Variants in SNX29 observed in about 807,000 individuals in gnomAD.
The protein encoded by SNX29 is sorting nexin-29.
Under a neutral mutation model 102.1 loss-of-function variants are expected in SNX29, and 78 were observed. The ratio of observed to expected loss-of-function variants is 0.76; its 90% CI spans 0.64 to 0.92. SNX29 has a LOEUF of 0.92. Ranked by LOEUF, SNX29 falls within the 40% of genes least tolerant of loss-of-function variation. SNX29 has a pLI of 0.00. For synonymous variants in SNX29, 580 were observed against 414.5 expected (o/e 1.40, Z -4.85); for missense variants, 1,280 against 1,061.7 (o/e 1.21, Z -2.86).
At chr16:12,243,937 T>G (rs139739729) in intron 14 of SNX29, among the ~76,000 whole-genome samples, 1 of 152,250 alleles carries the variant, frequency 6.6e-6, no homozygotes, top group Non-Finnish European at 1.5e-5. Context: ...TTTGTGGCTC[T>G]GGTAGAGGTT....
chr16:12,178,164 T>C (rs948827134), intron 13 of SNX29, among the ~76,000 whole-genome samples: 1 of 152,144 alleles, frequency 6.6e-6, no homozygotes, highest in African/African-American at 2.4e-5. Context: ...TGCTGCAGGC[T>C]CAAGGGGACA....
chr16:12,164,977 C>G (rs1049633716), intron 13 of SNX29, among the ~76,000 whole-genome samples: 2 of 152,082 alleles, frequency 1.3e-5, no homozygotes, highest in Non-Finnish European at 2.9e-5. Context: ...TGTGAGCCAC[C>G]GCACCCGGCC....
intron 8 of SNX29, among the ~76,000 whole-genome samples, chr16:12,060,637 T>G (rs1468672490): frequency 3.3e-5 from 5 of 152,116 alleles, no homozygotes; most frequent in Non-Finnish European, 5.9e-5. Context: ...CATCCTCAGA[T>G]TTGCAGGGGT....
intron 19 of SNX29, among the ~76,000 whole-genome samples, chr16:12,517,315 C>T (rs1168842079): frequency 6.6e-6 from 1 of 152,210 alleles, no homozygotes; most frequent in African/African-American, 2.4e-5. Context: ...CTGGACATTC[C>T]TCAGGGGGTC....
intron 18 of SNX29, among the ~76,000 whole-genome samples, chr16:12,445,272 C>T (rs891882921): frequency 5.9e-5 from 9 of 152,156 alleles, no homozygotes; most frequent in African/African-American, 1.7e-4. Context: ...GGACAGAGCC[C>T]GTATTATCCA....
intron 19 of SNX29, among the ~76,000 whole-genome samples, chr16:12,495,337 A>G (rs767731204): frequency 6.6e-6 from 1 of 151,946 alleles, no homozygotes; most frequent in Non-Finnish European, 1.5e-5. Context: ...TTTTTAGTAG[A>G]GACAGGGTTT....
At chr16:12,548,487 T>C (rs989542666) in intron 20 of SNX29, among the ~76,000 whole-genome samples, 2 of 152,222 alleles carry the variant, frequency 1.3e-5, no homozygotes, top group Non-Finnish European at 2.9e-5. Flanking sequence ...TCAGGATGAC[T>C]AGTCAGGGTT....
intron 11 of SNX29, among the ~76,000 whole-genome samples, chr16:12,088,868 T>C (rs1440717871): frequency 2.0e-5 from 3 of 152,024 alleles, no homozygotes; most frequent in African/African-American, 7.2e-5. Context: ...GGCGGATTAC[T>C]CTTGAGGTCA....
chr16:12,523,527 C>T (rs908433578), intron 19 of SNX29, among the ~76,000 whole-genome samples: 2 of 152,330 alleles, frequency 1.3e-5, no homozygotes, highest in Non-Finnish European at 2.9e-5. Flanking sequence ...CACAGATACA[C>T]GGAGCAGGAT....
chr16:12,304,174 G>GT (rs760514032), intron 15 of SNX29, among the ~76,000 whole-genome samples: 3,639 of 146,962 alleles, frequency 0.025, 72 homozygotes, highest in Admixed American at 0.05. Flanking sequence ...TCCTATCACT[G>GT]TTTTTTGTTT....
chr16:11,979,601 A>G (rs1429504206), intron 1 of SNX29, among the ~76,000 whole-genome samples: 3 of 152,032 alleles, frequency 2.0e-5, no homozygotes, highest in African/African-American at 7.2e-5. Context: ...TTTATGTTTT[A>G]GAGATGGAGT....
chr16:12,426,813 A>C (rs1017552320), intron 18 of SNX29, among the ~76,000 whole-genome samples: 7 of 152,238 alleles, frequency 4.6e-5, no homozygotes, highest in Non-Finnish European at 4.4e-5. Context: ...TTACAGGTGC[A>C]TGCTACCATG....
chr16:12,328,110 C>G (rs75380033), intron 15 of SNX29, among the ~76,000 whole-genome samples: 1,619 of 152,260 alleles, frequency 0.011, 21 homozygotes, highest in African/African-American at 0.037. Flanking sequence ...CTGCACATAC[C>G]TCTCCCTTGT....
At chr16:12,142,222 T>A (rs2054892195) in intron 13 of SNX29, among the ~76,000 whole-genome samples, 1 of 152,252 alleles carries the variant, frequency 6.6e-6, no homozygotes, top group Non-Finnish European at 1.5e-5. Context: ...GCTGCATATG[T>A]GACCCACTCT....
At chr16:11,984,903 C>G (rs2055552602) in intron 1 of SNX29, among the ~76,000 whole-genome samples, 1 of 152,206 alleles carries the variant, frequency 6.6e-6, no homozygotes, top group African/African-American at 2.4e-5. Context: ...GATCCTCCTG[C>G]TTCAGCCTCC....
At chr16:12,351,332 G>A (rs1269336654) in intron 15 of SNX29, among the ~76,000 whole-genome samples, 1 of 152,170 alleles carries the variant, frequency 6.6e-6, no homozygotes, top group Non-Finnish European at 1.5e-5. Context: ...AGAGTAAACT[G>A]GGCCTGAAAA....
chr16:12,250,833 C>CATCCAGTGA (rs1209489698), intron 14 of SNX29, among the ~76,000 whole-genome samples: 1 of 135,468 alleles, frequency 7.4e-6, no homozygotes, highest in African/African-American at 3.7e-5. Context: ...AGAAGAGCGA[C>CATCCAGTGA]TGGGCTGGTG....
In SNX29 at chr16:12,072,313, A is replaced by G. The variant is rs540908628; in HGVS notation, c.1319+3181A>G. Among the ~76,000 whole-genome samples the G allele has an allele frequency of 5.8e-4, 88 of 152,280 alleles. 1 individual carries two copies. The highest frequency in any genetic ancestry group is 2.0e-3 in the African/African-American group (84 of 41,546). ...GATATTGGCTGTGGGTTTGTCATAGATAGCTCTTATTATTTTGAGATACGT... is the reference window on the plus strand; with the variant it reads ...GATATTGGCTGTGGGTTTGTCATAGGTAGCTCTTATTATTTTGAGATACGT... On this transcript the variant is annotated intron_variant, in intron 10 of 20. Coordinates refer to ENST00000566228, the MANE Select transcript of SNX29 (RefSeq NM_032167.5).
intron 3 of SNX29, among the ~76,000 whole-genome samples, chr16:12,016,399 A>G (rs1369885023): frequency 6.6e-6 from 1 of 152,162 alleles, no homozygotes; most frequent in Non-Finnish European, 1.5e-5. Flanking sequence ...AAACATTTCT[A>G]CCAGTAGTTC....
Sources: gnomAD v4.1 joint callset for allele counts (sites outside exome capture counted in the v4.1 genomes callset) on GRCh38, gnomAD v4.1.1 for gene constraint, MANE v1.5 for transcripts, NCBI Gene and HGNC (gene_info 2026-07-23, HGNC 2026-07-21) for gene names.